The following GOT2 variants were observed in gnomAD, a reference collection of about 807,000 sequenced individuals.
GOT2 encodes the protein glutamic-oxaloacetic transaminase 2, also known as aspartate aminotransferase, mitochondrial.
GOT2 carries 17 observed loss-of-function variants against 50.0 expected under a neutral mutation model. The ratio of observed to expected loss-of-function variants is 0.34; its 90% CI spans 0.23 to 0.51. GOT2 has a LOEUF of 0.51. GOT2 is among the 20% of genes least tolerant of loss of function. The probability of loss-of-function intolerance (pLI) is 0.97; values close to 1 mark genes in which losing one functional copy is unlikely to be tolerated. For missense variants in GOT2, 430 were observed against 559.6 expected, an observed-to-expected ratio of 0.77 and a Z score of 2.34; for synonymous variants, 172 against 204.9, an observed-to-expected ratio of 0.84 and a Z score of 1.37.
chr16:58,722,428 T>C (rs2044750108), intron 2 of GOT2, 150 bp from the exon 3 acceptor site: 1 of 683,234 alleles, frequency 1.5e-6, no homozygotes. Context: ...TGGAGTGCAG[T>C]AGTGTGATCT....
intron 6 of GOT2, among the ~76,000 whole-genome samples, 189 bp downstream of exon 6, chr16:58,718,007 A>T (rs2044708429): frequency 6.6e-6 from 1 of 152,128 alleles, no homozygotes; most frequent in African/African-American, 2.4e-5. Flanking sequence ...ACTTTCAAAT[A>T]CTCATGCGTC....
At position 58,716,002 on chromosome 16, in the gene GOT2, A is replaced by G. The variant is rs1046566365; in HGVS notation, c.1019+12T>C. ...AACAGGTAGGTGGCTGGGGAGTGGCATAAACCTTTACCATTGTTTTCGCAA... is the reference window on the plus strand; with the variant it reads ...AACAGGTAGGTGGCTGGGGAGTGGCGTAAACCTTTACCATTGTTTTCGCAA... On this transcript the variant is annotated intron_variant, in intron 8 of 9. Coordinates refer to ENST00000245206, the MANE Select transcript of GOT2 (RefSeq NM_002080.4). 1 of 1,603,954 alleles carries G rather than the reference A, an allele frequency of 6.2e-7. No individual in the cohort carries two copies. Among genetic ancestry groups the G allele is most frequent in the South Asian group, 1.1e-5 (1 of 89,310 alleles).
Position 58,719,248 on chromosome 16 carries a change from G to A in GOT2, c.383C>T (p.Thr128Ile), listed in dbSNP as rs746079905. ...TCCAGTTCCAGAAATGGTCTGCACA[G>A]TGACAAACTGAAGGAGAGATACCCA... ...SEVLKSGRFV[T>I]VQTISGTGAL... Residue 128 changes from threonine (T) to isoleucine (I), a missense_variant, in exon 4 of 10, where the codon ACT becomes ATT. Thr to Ile is a moderately conservative substitution (Grantham distance 89, BLOSUM62 -1). Transcript: ENST00000245206. The A allele has an allele frequency of 9.3e-6, 15 of 1,612,460 alleles. No homozygotes were observed. Among genetic ancestry groups the A allele is most frequent in the Non-Finnish European group, 1.3e-5 (15 of 1,178,678 alleles).
intron 1 of GOT2, among the ~76,000 whole-genome samples, chr16:58,733,741 G>C (rs1434859548): frequency 1.3e-5 from 2 of 152,130 alleles, no homozygotes; most frequent in African/African-American, 4.8e-5. Context: ...CCGGGGGCCA[G>C]GACAGGTGCG....
chr16:58,709,303 CAAAACAAAA>C, intron 9 of GOT2, 105 bp downstream of exon 9: 1 of 952,118 alleles, frequency 1.1e-6, no homozygotes, highest in South Asian at 1.9e-5. Context: ...CAAAACAAAA[CAAAACAAAA>C]AACCCGAAAA....
Position 58,708,176 on chromosome 16 carries a change from T to C in GOT2, c.1288A>G (p.Lys430Glu). 1 of 1,614,000 alleles carries C rather than the reference T, an allele frequency of 6.2e-7. No individual in the cohort carries two copies. Among genetic ancestry groups the C allele is most frequent in the South Asian group, 1.1e-5 (1 of 91,054 alleles). ...YLAHAIHQVT[K>E] The stretch of plus-strand genomic sequence containing the variant: ...GTTTCCTCGCACCAGGGACATTACT[T>C]GGTGACCTGGTGAATGGCATGGGCA... The change falls in exon 10 of 10, where the codon AAG (lysine) becomes GAG (glutamate). Residue 430 changes from lysine (K) to glutamate (E), a missense_variant. By Grantham distance (56) the Lys-to-Glu change is moderately conservative. Coordinates refer to ENST00000245206, the MANE Select transcript of GOT2 (RefSeq NM_002080.4).
At chr16:58,716,948 T>C (rs1597700195) in intron 6 of GOT2, 135 bp from the exon 7 acceptor site, 6 of 719,630 alleles carry the variant, frequency 8.3e-6, no homozygotes, top group East Asian at 2.6e-5. Flanking sequence ...GGGGCTAACG[T>C]AATCCTGGAA....
rs112945219 is a variant in GOT2 at position 58,715,841 on chromosome 16, T to C, written c.1019+173A>G. The stretch of plus-strand genomic sequence containing the variant: ...TGCTGCGATTACAGGCGTGAGCCAC[T>C]GTGCCCGGCCTTAATTTTTTAAAAA... On this transcript the variant is annotated intron_variant, in intron 8 of 9. Transcript: ENST00000245206. 7.2e-5 allele frequency among the ~76,000 whole-genome samples: 11 copies of C among 152,328 alleles called. 2 individuals are homozygous for C. Among genetic ancestry groups the C allele is most frequent in the African/African-American group, 2.4e-4 (10 of 41,586 alleles).
intron 4 of GOT2, 59 bp from the exon 5 acceptor site, chr16:58,718,747 G>A: frequency 7.2e-7 from 1 of 1,383,036 alleles, no homozygotes; most frequent in South Asian, 1.4e-5. Flanking sequence ...AAAAAATGTT[G>A]ATGTGTTTTA....
intron 1 of GOT2, among the ~76,000 whole-genome samples, chr16:58,731,995 C>T (rs1444454240): frequency 2.6e-5 from 4 of 152,188 alleles, no homozygotes; most frequent in African/African-American, 4.8e-5. Flanking sequence ...TTATTTAAAT[C>T]TGAAGAGTAA....
chr16:58,715,215 T>C (rs1462082957), intron 8 of GOT2, among the ~76,000 whole-genome samples: 1 of 151,834 alleles, frequency 6.6e-6, no homozygotes, highest in Non-Finnish European at 1.5e-5. Flanking sequence ...AAAATACGGA[T>C]TCAATGCTAG....
In GOT2 at chr16:58,734,143, G is replaced by C; in HGVS notation, c.86C>G (p.Ala29Gly). The change falls in exon 1 of 10, where the codon GCC (alanine) becomes GGC (glycine). Residue 29 changes from alanine to glycine, a missense_variant. Coordinates refer to ENST00000245206, the MANE Select transcript of GOT2 (RefSeq NM_002080.4). ...PGLAAAASAR[A>G]SSWWTHVEMG... Reference sequence around the variant, plus strand: ...ATCTCCGTTTCCCTTGGCTTACCTGGCTCTGGCAGAGGCCGCGGCGGCGAG... The same window carrying C: ...ATCTCCGTTTCCCTTGGCTTACCTGCCTCTGGCAGAGGCCGCGGCGGCGAG... 3.0e-6 allele frequency: 4 copies of C among 1,328,482 alleles called. No individual in the cohort carries two copies. The highest frequency in any genetic ancestry group is 3.9e-6 in the Non-Finnish European group (4 of 1,034,606). The allele number at this position is 1,328,482 out of a possible 1,614,324, so 82.3% of individuals were successfully genotyped here. A position where few individuals can be genotyped will look rare whatever the true frequency, so the allele number is the denominator to read the frequency against.
At position 58,707,449 on chromosome 16, in the gene GOT2, A is replaced by G. The variant is rs1404044669; in HGVS notation, c.*722T>C. ...CTACTCTCCACTATTCTTTGCTGAA[A>G]AGGGTGAGGGTACAGCATCAGCAGA... On this transcript the variant is annotated 3_prime_UTR_variant, in exon 10 of 10. Coordinates refer to ENST00000245206, the MANE Select transcript of GOT2 (RefSeq NM_002080.4). The G allele has an allele frequency of 1.3e-5, 2 of 152,184 alleles. No individual in the cohort carries two copies. Among genetic ancestry groups the G allele is most frequent in the African/African-American group, 2.4e-5 (1 of 41,448 alleles). The allele number at this position is 152,184 out of a possible 1,614,324, so 9.4% of individuals were successfully genotyped here.
chr16:58,733,211 T>C (rs950315943), intron 1 of GOT2, among the ~76,000 whole-genome samples: 1 of 152,144 alleles, frequency 6.6e-6, no homozygotes, highest in South Asian at 2.1e-4. Flanking sequence ...TGGGAATGAA[T>C]TACTAGAGCT....
chr16:58,722,689 G>C (rs1328395472), intron 2 of GOT2, among the ~76,000 whole-genome samples: 3 of 152,052 alleles, frequency 2.0e-5, no homozygotes, highest in Non-Finnish European at 2.9e-5. Flanking sequence ...TTTAAAATTT[G>C]AAGTTACTCT....
Position 58,718,185 on chromosome 16 carries a change from A to G in GOT2, c.702+11T>C. The stretch of plus-strand genomic sequence containing the variant: ...ACACAGAACTGTCGCCAGTGAGTTC[A>G]TCGTCCTCACCTTCACCACTGTTGC... On this transcript the variant is annotated intron_variant, in intron 6 of 9. Coordinates refer to ENST00000245206, the MANE Select transcript of GOT2 (RefSeq NM_002080.4). 6.3e-7 allele frequency: 1 copy of G among 1,577,940 alleles called. No homozygotes were observed. The highest frequency in any genetic ancestry group is 8.7e-7 in the Non-Finnish European group (1 of 1,146,944).
At chr16:58,733,743 A>T (rs998042133) in intron 1 of GOT2, among the ~76,000 whole-genome samples, 6 of 152,082 alleles carry the variant, frequency 3.9e-5, no homozygotes, top group African/African-American at 1.4e-4. Context: ...GGGGGCCAGG[A>T]CAGGTGCGCC....
chr16:58,713,904 A>G (rs1481222990), intron 8 of GOT2, among the ~76,000 whole-genome samples: 2 of 152,214 alleles, frequency 1.3e-5, no homozygotes, highest in Admixed American at 6.5e-5. Context: ...TACAAAATTC[A>G]TAAACAAATG....
chr16:58,729,762 G>A (rs1180431785), intron 1 of GOT2, among the ~76,000 whole-genome samples: 2 of 151,616 alleles, frequency 1.3e-5, no homozygotes, highest in Non-Finnish European at 2.9e-5. Flanking sequence ...AAAATGACAT[G>A]TTTTTATCGC....
Sources: gnomAD v4.1 joint callset for allele counts (sites outside exome capture counted in the v4.1 genomes callset) on GRCh38, gnomAD v4.1.1 for gene constraint, MANE v1.5 for transcripts, NCBI Gene and HGNC (gene_info 2026-07-23, HGNC 2026-07-21) for gene names.